ACACA: variants seen among roughly 807,000 people sequenced by gnomAD.
ACACA encodes acetyl-CoA carboxylase 1.
A neutral mutation model predicts 296.1 loss-of-function variants in ACACA; 103 were observed. The observed-to-expected ratio is 0.35, with a 90% CI of 0.30 to 0.41. ACACA has a LOEUF of 0.41. Among genes scored for constraint, ACACA ranks in the 10% least tolerant of loss-of-function variants. The pLI is 1.00. For synonymous variants in ACACA, 953 were observed against 1,038.6 expected (o/e 0.92, Z 1.58); for missense variants, 1,554 against 2,989.7 (o/e 0.52, Z 11.20).
At chr17:37,390,321 T>TATATATATATAC (rs2050807454) in intron 1 of ACACA, among the ~76,000 whole-genome samples, 1 of 46,602 alleles carries the variant, frequency 2.1e-5, no homozygotes. Flanking sequence ...TATATATATA[T>TATATATATATAC]ATATATATAT....
chr17:37,217,907 G>A (rs946167137), intron 29 of ACACA, among the ~76,000 whole-genome samples: 4 of 151,570 alleles, frequency 2.6e-5, no homozygotes, highest in Non-Finnish European at 5.9e-5. Flanking sequence ...CTCTATGGGA[G>A]GGGAAAAAAA....
chr17:37,217,752 AAAAAAAAAAAAAC>A lies in ACACA; in HGVS notation c.3683+3959_3683+3971del, dbSNP rs1182564416. Among the ~76,000 whole-genome samples, 363 of 132,506 alleles carry A rather than the reference AAAAAAAAAAAAAC, an allele frequency of 2.7e-3. 7 individuals are homozygous for A. Among genetic ancestry groups the A allele is most frequent in the African/African-American group, 9.6e-3 (336 of 34,894 alleles). The allele number at this position is 132,506 out of a possible 152,430, so 86.9% of individuals were successfully genotyped here. ...TCCATCTCAAAAAAAAAAAAAAAAA[AAAAAAAAAAAAAC>A]AACCTGTTTTCTCCCCCAATAATTT... On this transcript the variant is annotated intron_variant, in intron 29 of 55. Coordinates refer to ENST00000616317, the MANE Select transcript of ACACA (RefSeq NM_198834.3).
At chr17:37,164,502 G>GA (rs1173552179) in intron 41 of ACACA, among the ~76,000 whole-genome samples, 2 of 151,794 alleles carry the variant, frequency 1.3e-5, no homozygotes, top group Admixed American at 6.6e-5. Flanking sequence ...ATGATACACA[G>GA]AAAAAAATCC....
At chr17:37,364,596 AAAAAAAAAAG>A (rs1188974145) in intron 1 of ACACA, among the ~76,000 whole-genome samples, 2 of 135,534 alleles carry the variant, frequency 1.5e-5, no homozygotes, top group Non-Finnish European at 3.0e-5. Context: ...GTCTCAAAAA[AAAAAAAAAAG>A]AAAAAGAAAA....
At chr17:37,187,400 G>T (rs1400789112) in intron 39 of ACACA, among the ~76,000 whole-genome samples, 1 of 152,196 alleles carries the variant, frequency 6.6e-6, no homozygotes, top group African/African-American at 2.4e-5. Context: ...TGAAACCCTT[G>T]TTTATGTATA....
intron 1 of ACACA, among the ~76,000 whole-genome samples, chr17:37,377,660 A>C (rs2050061226): frequency 4.7e-5 from 1 of 21,090 alleles, no homozygotes; most frequent in African/African-American, 3.0e-4. Context: ...ACTCCGTCTC[A>C]ATAAATAAAT....
intron 24 of ACACA, among the ~76,000 whole-genome samples, chr17:37,237,544 GT>G (rs1055657489): frequency 6.6e-6 from 1 of 152,064 alleles, no homozygotes; most frequent in South Asian, 2.1e-4. Context: ...TGTGGTTTTG[GT>G]TTATATGCCT....
chr17:37,128,024 C>CAAAAAAAA (rs1173864454), intron 47 of ACACA, among the ~76,000 whole-genome samples: 16 of 39,734 alleles, frequency 4.0e-4, no homozygotes, highest in East Asian at 5.0e-4. Context: ...AACTCCATCT[C>CAAAAAAAA]AAAAAAAAAA....
intron 5 of ACACA, among the ~76,000 whole-genome samples, chr17:37,281,805 G>T (rs1195870577): frequency 1.3e-5 from 2 of 152,224 alleles, no homozygotes; most frequent in Non-Finnish European, 2.9e-5. Context: ...GGCGGAGGTT[G>T]CAGTGAGCTG....
chr17:37,173,430 T>G (rs889753663), intron 41 of ACACA, among the ~76,000 whole-genome samples: 6 of 152,202 alleles, frequency 3.9e-5, no homozygotes, highest in African/African-American at 1.2e-4. Flanking sequence ...TTTAGGCTTA[T>G]ATAAGCTTAC....
At chr17:37,203,908 T>A (rs551428914) in intron 33 of ACACA, among the ~76,000 whole-genome samples, 3 of 152,352 alleles carry the variant, frequency 2.0e-5, no homozygotes, top group Admixed American at 2.0e-4. Flanking sequence ...CTTTCACTTC[T>A]CTGGAAGCAC....
At chr17:37,168,884 G>T (rs2076782968) in intron 41 of ACACA, among the ~76,000 whole-genome samples, 1 of 152,146 alleles carries the variant, frequency 6.6e-6, no homozygotes, top group Non-Finnish European at 1.5e-5. Context: ...TATTTTTAAA[G>T]TCAATATTTG....
intron 14 of ACACA, among the ~76,000 whole-genome samples, chr17:37,254,121 T>C (rs1239056990): frequency 7.8e-6 from 1 of 128,500 alleles, no homozygotes; most frequent in African/African-American, 3.9e-5. Context: ...CATACTATGA[T>C]TGTAAGGAAG....
chr17:37,387,130 T>C (rs1038878840), intron 1 of ACACA: 2 of 152,086 alleles, frequency 1.3e-5, no homozygotes, highest in Non-Finnish European at 2.9e-5. Context: ...AGAGCATATA[T>C]TTGTTTTGAT....
chr17:37,203,061 A>C (rs1324373875), intron 33 of ACACA, among the ~76,000 whole-genome samples: 5 of 151,612 alleles, frequency 3.3e-5, no homozygotes, highest in African/African-American at 1.2e-4. Flanking sequence ...CCCCAGGTTC[A>C]AGCGATTCTC....
intron 3 of ACACA, among the ~76,000 whole-genome samples, chr17:37,315,110 C>T (rs1304322020): frequency 6.6e-6 from 1 of 151,972 alleles, no homozygotes; most frequent in Non-Finnish European, 1.5e-5. Context: ...AAGAATGTGC[C>T]ACCACGCCCA....
chr17:37,099,430 T>C (rs570081402), intron 52 of ACACA, among the ~76,000 whole-genome samples: 2 of 149,186 alleles, frequency 1.3e-5, no homozygotes, highest in Non-Finnish European at 3.0e-5. Flanking sequence ...CATTCTAGTG[T>C]AGATCTGCCT....
At chr17:37,268,741 C>CTATCTATATATA (rs1219982787) in intron 10 of ACACA, among the ~76,000 whole-genome samples, 74 of 94,498 alleles carry the variant, frequency 7.8e-4, no homozygotes, top group Admixed American at 2.8e-3. Context: ...ATCTATCTAT[C>CTATCTATATATA]TATATATATA....
chr17:37,276,086 A>C (rs2542660), intron 7 of ACACA, 37 bp from the exon 8 acceptor site: 325,730 of 1,506,682 alleles, frequency 0.22, 39,891 homozygotes, highest in Admixed American at 0.44. Context: ...TGACTGTAAC[A>C]CCTTGGCCTC....
Sources: gnomAD v4.1 joint callset for allele counts (sites outside exome capture counted in the v4.1 genomes callset) on GRCh38, gnomAD v4.1.1 for gene constraint, MANE v1.5 for transcripts, NCBI Gene and HGNC (gene_info 2026-07-23, HGNC 2026-07-21) for gene names.